MANBA: variants seen among roughly 807,000 people sequenced by gnomAD.
The protein encoded by MANBA is beta-mannosidase.
MANBA carries 83 observed loss-of-function variants against 111.1 expected under a neutral mutation model. The ratio of observed to expected loss-of-function variants is 0.75; its 90% CI spans 0.63 to 0.90. MANBA has a LOEUF of 0.90. MANBA is among the 40% of genes least tolerant of loss of function. The pLI is 0.00. For missense variants in MANBA, 1,036 were observed against 1,069.0 expected, an observed-to-expected ratio of 0.97 and a Z score of 0.43; for synonymous variants, 370 against 378.7, an observed-to-expected ratio of 0.98 and a Z score of 0.27.
At chr4:102,713,263 G>A (rs1184203886) in intron 5 of MANBA, among the ~76,000 whole-genome samples, 2 of 152,156 alleles carry the variant, frequency 1.3e-5, no homozygotes, top group East Asian at 1.9e-4. Flanking sequence ...ATTACACTGA[G>A]CATTGCACGC....
chr4:102,640,323 A>T lies in MANBA; in HGVS notation c.1870-466T>A, dbSNP rs78922400. On this transcript the variant is annotated intron_variant, in intron 13 of 16. Coordinates refer to ENST00000647097, the MANE Select transcript of MANBA (RefSeq NM_005908.4). ...ACATTGTTATTATGAGTCTGATATT[A>T]TCCAATCCCTAATTATTTTTTCTAG... Among the ~76,000 whole-genome samples the T allele has an allele frequency of 7.9e-3, 1,201 of 152,312 alleles. 20 individuals carry two copies. The highest frequency in any genetic ancestry group is 0.026 in the African/African-American group (1,090 of 41,552).
intron 10 of MANBA, chr4:102,667,447 T>C (rs2110219408): frequency 6.6e-6 from 1 of 152,342 alleles, no homozygotes; most frequent in Admixed American, 6.5e-5. Flanking sequence ...TCAATGACTT[T>C]CATATTTCCT....
chr4:102,634,819 T>C lies in MANBA; in HGVS notation c.2384A>G (p.Glu795Gly), dbSNP rs530708551. 1 of 1,614,114 alleles carries C rather than the reference T, an allele frequency of 6.2e-7. No individual in the cohort carries two copies. Among genetic ancestry groups the C allele is most frequent in the African/African-American group, 1.3e-5 (1 of 75,058 alleles). Reference sequence around the variant, plus strand: ...CTGCGCCTTGCAGAGCCCCACGGCCTCCTTCGGTGAGGACAAGAAGTGGTA... The same window carrying C: ...CTGCGCCTTGCAGAGCCCCACGGCCCCCTTCGGTGAGGACAAGAAGTGGTA... ...TNYHFLSSPK[E>G]AVGLCKAQIT... The change falls in exon 16 of 17, where the codon GAG becomes GGG. Residue 795 changes from glutamate to glycine, a missense_variant. Physicochemically the swap from Glu to Gly is moderately conservative, Grantham distance 98 (BLOSUM62 -2). Coordinates refer to ENST00000647097, the MANE Select transcript of MANBA (RefSeq NM_005908.4).
At chr4:102,735,030 T>G (rs1423954671) in intron 1 of MANBA, among the ~76,000 whole-genome samples, 1 of 152,200 alleles carries the variant, frequency 6.6e-6, no homozygotes, top group South Asian at 2.1e-4. Context: ...ACTACAGATC[T>G]CCTGCTAATC....
intron 1 of MANBA, among the ~76,000 whole-genome samples, chr4:102,747,464 T>C (rs1723632543): frequency 6.6e-6 from 1 of 152,134 alleles, no homozygotes; most frequent in African/African-American, 2.4e-5. Flanking sequence ...GTCCACTGAG[T>C]CAAATGTTAA....
At chr4:102,643,595 T>C (rs1315072839) in intron 13 of MANBA, among the ~76,000 whole-genome samples, 1 of 152,224 alleles carries the variant, frequency 6.6e-6, no homozygotes, top group Non-Finnish European at 1.5e-5. Flanking sequence ...GTAGATATTG[T>C]AGTGGATATA....
At chr4:102,760,309 A>T (rs1376790999) in intron 1 of MANBA, among the ~76,000 whole-genome samples, 1 of 152,242 alleles carries the variant, frequency 6.6e-6, no homozygotes, top group Non-Finnish European at 1.5e-5. Context: ...ATTACTCAAT[A>T]GAGTTAACCC....
chr4:102,747,264 A>C (rs1578958266), intron 1 of MANBA, among the ~76,000 whole-genome samples: 1 of 152,178 alleles, frequency 6.6e-6, no homozygotes, highest in Admixed American at 6.5e-5. Context: ...AGCCAGTCTG[A>C]TTCCTAAAGG....
At chr4:102,675,330 ACT>A (rs1450962981) in intron 7 of MANBA, among the ~76,000 whole-genome samples, 10 of 152,266 alleles carry the variant, frequency 6.6e-5, no homozygotes, top group Admixed American at 2.0e-4. Flanking sequence ...CTACTTCATC[ACT>A]CTGACAGCTA....
intron 11 of MANBA, among the ~76,000 whole-genome samples, chr4:102,663,731 T>C (rs1186066865): frequency 1.3e-5 from 2 of 152,192 alleles, no homozygotes; most frequent in Non-Finnish European, 2.9e-5. Flanking sequence ...AAAACATCTA[T>C]TTACAGACAC....
At chr4:102,734,251 G>A (rs1354663372) in intron 1 of MANBA, 39 of 1,126,032 alleles carry the variant, frequency 3.5e-5, no homozygotes, top group Non-Finnish European at 4.2e-5. Flanking sequence ...CAATTTTGCT[G>A]TAAACCTACA....
intron 1 of MANBA, among the ~76,000 whole-genome samples, chr4:102,747,336 G>A (rs986769210): frequency 1.3e-5 from 2 of 152,120 alleles, no homozygotes; most frequent in Non-Finnish European, 2.9e-5. Flanking sequence ...AAAGATAGAG[G>A]CTGGGAGGAT....
intron 7 of MANBA, among the ~76,000 whole-genome samples, chr4:102,678,924 T>TA (rs981518433): frequency 4.2e-4 from 64 of 152,328 alleles, no homozygotes; most frequent in African/African-American, 1.5e-3. Context: ...ATCAGATACT[T>TA]AAAAAGCTGT....
At chr4:102,752,788 C>A (rs1723860214) in intron 1 of MANBA, 1 of 334,162 alleles carries the variant, frequency 3.0e-6, no homozygotes, top group Non-Finnish European at 5.8e-6. Flanking sequence ...ATTTAACTAT[C>A]TTTTTCTTAT....
intron 5 of MANBA, among the ~76,000 whole-genome samples, chr4:102,706,772 T>C (rs1013085067): frequency 1.3e-5 from 2 of 151,874 alleles, no homozygotes; most frequent in African/African-American, 2.4e-5. Context: ...GAACCAAACA[T>C]AAATTCTGGA....
In MANBA at chr4:102,747,749, T is replaced by C. The variant is rs190032067; in HGVS notation, c.177+12969A>G. Among the ~76,000 whole-genome samples, 613 of 152,318 alleles carry C rather than the reference T, an allele frequency of 4.0e-3. 4 individuals carry two copies. The highest frequency in any genetic ancestry group is 0.014 in the Middle Eastern group (4 of 294). On this transcript the variant is annotated intron_variant, in intron 1 of 16. Coordinates refer to ENST00000647097, the MANE Select transcript of MANBA (RefSeq NM_005908.4). The stretch of plus-strand genomic sequence containing the variant: ...TCTAAAATCCTTAAATTAGTAAATA[T>C]TGCTTCCCATCTAACATAGCTCTAA...
intron 5 of MANBA, among the ~76,000 whole-genome samples, chr4:102,696,291 C>T (rs192119723): frequency 6.6e-5 from 10 of 152,220 alleles, no homozygotes; most frequent in Admixed American, 1.3e-4. Context: ...CTCTGCTAAA[C>T]GTGTATTTAT....
At chr4:102,688,386 T>TCCACACACACAC (rs1732317920) in intron 7 of MANBA, among the ~76,000 whole-genome samples, 1 of 140,472 alleles carries the variant, frequency 7.1e-6, no homozygotes, top group South Asian at 2.4e-4. Context: ...CCTCCCCCCT[T>TCCACACACACAC]ACACACACAC....
intron 5 of MANBA, among the ~76,000 whole-genome samples, chr4:102,707,924 T>C (rs190899664): frequency 3.9e-5 from 6 of 152,254 alleles, no homozygotes; most frequent in Non-Finnish European, 7.4e-5. Context: ...AAAAGGTCAC[T>C]ATATCATGAT....
Sources: gnomAD v4.1 joint callset for allele counts (sites outside exome capture counted in the v4.1 genomes callset) on GRCh38, gnomAD v4.1.1 for gene constraint, MANE v1.5 for transcripts, NCBI Gene and HGNC (gene_info 2026-07-23, HGNC 2026-07-21) for gene names.